The following CCDC77 variants were observed in gnomAD, a reference collection of about 807,000 sequenced individuals.
The protein encoded by CCDC77 is coiled-coil domain-containing protein 77.
In CCDC77, 56 loss-of-function variants were observed where a neutral mutation model predicts 66.8. The ratio of observed to expected loss-of-function variants is 0.84; its 90% CI spans 0.68 to 1.05. The LOEUF is 1.05. Ranked by LOEUF, CCDC77 falls within the 50% of genes least tolerant of loss-of-function variation. The pLI is 0.00. For synonymous variants in CCDC77, 196 were observed against 195.2 expected, an observed-to-expected ratio of 1.00 and a Z score of -0.03; for missense variants, 570 against 576.8, an observed-to-expected ratio of 0.99 and a Z score of 0.12.
chr12:416,344 G>GGT lies in CCDC77; in HGVS notation c.271-2117_271-2116dup, dbSNP rs1174833426. Among the ~76,000 whole-genome samples the GGT allele has an allele frequency of 1.3e-3, 47 of 37,090 alleles. No individual in the cohort carries two copies. In the East Asian group the frequency reaches 0.013, roughly 10 times the overall value. The allele number at this position is 37,090 out of a possible 152,430, so 24.3% of individuals were successfully genotyped here. On this transcript the variant is annotated intron_variant, in intron 4 of 12. Transcript: ENST00000239830. ...GTGTGTGAGTCTGTGGGTGTGTGGG[G>GGT]GTGTGTGTGTGTGTGTGTGTGTGTG... is the stretch of plus-strand genomic sequence containing the variant.
chr12:423,737 T>C (rs1565572419), intron 5 of CCDC77, among the ~76,000 whole-genome samples: 1 of 151,970 alleles, frequency 6.6e-6, no homozygotes, highest in Non-Finnish European at 1.5e-5. Context: ...GCTCAAGCGA[T>C]TTGCCCACCT....
intron 5 of CCDC77, among the ~76,000 whole-genome samples, chr12:428,531 A>G (rs1945580545): frequency 6.6e-6 from 1 of 151,372 alleles, no homozygotes; most frequent in Admixed American, 6.6e-5. Context: ...AAAAAAAAAA[A>G]AAAAAGAATT....
Position 408,873 on chromosome 12 carries a change from A to T in CCDC77, c.-16-495A>T, listed in dbSNP as rs899386214. On this transcript the variant is annotated intron_variant, in intron 2 of 12. Coordinates refer to ENST00000239830, the MANE Select transcript of CCDC77 (RefSeq NM_032358.4). ...ATGAGGAGTACCTTTTGAAAATTCA[A>T]AAGGCATGAATTTCAGGATTTGGAG... Among the ~76,000 whole-genome samples the T allele has an allele frequency of 5.6e-4, 85 of 152,160 alleles. 3 individuals are homozygous for T. Among genetic ancestry groups the T allele is most frequent in the Non-Finnish European group, 2.9e-5 (2 of 68,032 alleles).
Position 442,635 on chromosome 12 carries a change from A to G in CCDC77, c.*715A>G, listed in dbSNP as rs1202353566. On this transcript the variant is annotated 3_prime_UTR_variant, in exon 13 of 13. Transcript: ENST00000239830. Reference sequence around the variant, plus strand: ...TTAACTATTTTCAATAAAATATTTCACTCAAAAGATTTTCTTTGAGTTTTC... The same window carrying G: ...TTAACTATTTTCAATAAAATATTTCGCTCAAAAGATTTTCTTTGAGTTTTC... 6.6e-6 allele frequency: 1 copy of G among 152,194 alleles called. No homozygotes were observed. Among genetic ancestry groups the G allele is most frequent in the Non-Finnish European group, 1.5e-5 (1 of 68,034 alleles). 9.4% of individuals were successfully genotyped at this position (152,194 alleles called of 1,614,324 possible). A position where few individuals can be genotyped will look rare whatever the true frequency, so the allele number is the denominator to read the frequency against.
intron 1 of CCDC77, chr12:389,620 G>T: frequency 4.0e-6 from 1 of 252,834 alleles, no homozygotes; most frequent in South Asian, 5.2e-5. Context: ...CTTCCGGCGC[G>T]GAGGAATGTG....
rs11550736 is a variant in CCDC77 at position 442,059 on chromosome 12, A to T, written c.*139A>T. 1.1e-6 allele frequency: 1 copy of T among 874,470 alleles called. No individual in the cohort carries two copies. Among genetic ancestry groups the T allele is most frequent in the Non-Finnish European group, 1.8e-6 (1 of 563,608 alleles). 54.2% of individuals were successfully genotyped at this position (874,470 alleles called of 1,614,324 possible). A position where few individuals can be genotyped will look rare whatever the true frequency, so the allele number is the denominator to read the frequency against. ...CATTATTGTAAAGACAGCTTGAAGA[A>T]TCGGGGACCACTAGGAAAGCTTTTC... On this transcript the variant is annotated 3_prime_UTR_variant, in exon 13 of 13. Transcript: ENST00000239830.
intron 9 of CCDC77, among the ~76,000 whole-genome samples, chr12:437,368 T>C (rs1052569428): frequency 2.0e-5 from 3 of 152,106 alleles, no homozygotes; most frequent in Admixed American, 2.0e-4. Context: ...AAATAATAAA[T>C]AAGGTATATG....
chr12:402,793 A>T (rs1308337856), intron 1 of CCDC77, among the ~76,000 whole-genome samples: 1 of 152,222 alleles, frequency 6.6e-6, no homozygotes, highest in Non-Finnish European at 1.5e-5. Flanking sequence ...GTCATTGTGG[A>T]GATAAAATAT....
At chr12:415,808 T>TTTA (rs112303220) in intron 4 of CCDC77, among the ~76,000 whole-genome samples, 1 of 149,830 alleles carries the variant, frequency 6.7e-6, no homozygotes, top group Non-Finnish European at 1.5e-5. Flanking sequence ...AATTTTTTAT[T>TTTA]TTTTATTTTA....
At chr12:404,813 C>A (rs1007944428) in intron 1 of CCDC77, among the ~76,000 whole-genome samples, 3 of 151,462 alleles carry the variant, frequency 2.0e-5, no homozygotes, top group Admixed American at 1.3e-4. Flanking sequence ...ACCTCCGCCT[C>A]CCAGGTTCAA....
chr12:417,808 A>G (rs773433649), intron 4 of CCDC77, among the ~76,000 whole-genome samples: 3 of 152,100 alleles, frequency 2.0e-5, no homozygotes, highest in Non-Finnish European at 4.4e-5. Flanking sequence ...AGGCTGAGAC[A>G]GAAGAATCAC....
At chr12:405,351 G>A (rs1944972365) in intron 1 of CCDC77, among the ~76,000 whole-genome samples, 160 bp from the exon 2 acceptor site, 1 of 152,190 alleles carries the variant, frequency 6.6e-6, no homozygotes, top group Non-Finnish European at 1.5e-5. Flanking sequence ...AGAATGGACT[G>A]TGCTGATAGG....
At chr12:438,280 T>C in intron 9 of CCDC77, 55 bp from the exon 10 acceptor site, 4 of 1,194,950 alleles carry the variant, frequency 3.3e-6, no homozygotes, top group Non-Finnish European at 4.8e-6. Context: ...TAATCCTTGC[T>C]TTCAGGTGTG....
chr12:412,499 A>G (rs1327414607), intron 4 of CCDC77, among the ~76,000 whole-genome samples: 3 of 152,180 alleles, frequency 2.0e-5, no homozygotes, highest in Non-Finnish European at 2.9e-5. Flanking sequence ...TTTGGCCTGG[A>G]TGATTCTTTG....
At chr12:440,526 CTTCTT>C (rs1945838518) in intron 10 of CCDC77, 86 bp from the exon 11 acceptor site, 2 of 1,463,846 alleles carry the variant, frequency 1.4e-6, no homozygotes, top group Non-Finnish European at 1.9e-6. Context: ...CTGGAAATCC[CTTCTT>C]TTCTTTCTTT....
At chr12:391,584 A>AT (rs1223945342) in intron 1 of CCDC77, among the ~76,000 whole-genome samples, 1 of 152,236 alleles carries the variant, frequency 6.6e-6, no homozygotes, top group Non-Finnish European at 1.5e-5. Context: ...TTTATTAAAC[A>AT]TTCAATTAAA....
chr12:399,429 C>T (rs1225973409), upstream of CCDC77, among the ~76,000 whole-genome samples: 1 of 152,204 alleles, frequency 6.6e-6, no homozygotes, highest in Non-Finnish European at 1.5e-5. Flanking sequence ...CTCAGCCTCC[C>T]AAAGTGCTGG....
At chr12:440,106 G>C (rs952352669) in intron 10 of CCDC77, among the ~76,000 whole-genome samples, 2 of 152,312 alleles carry the variant, frequency 1.3e-5, no homozygotes, top group East Asian at 3.9e-4. Context: ...GCCAGCATTG[G>C]CAGCAGCCAG....
intron 2 of CCDC77, among the ~76,000 whole-genome samples, chr12:406,141 C>T (rs1014812405): frequency 1.3e-5 from 2 of 152,086 alleles, no homozygotes; most frequent in African/African-American, 4.8e-5. Context: ...AACTCCTGGA[C>T]TCAAGCAGTC....
Sources: allele counts gnomAD v4.1 joint callset (sites outside exome capture counted in the v4.1 genomes callset), GRCh38; gene constraint gnomAD v4.1.1; transcripts MANE v1.5; gene names NCBI Gene and HGNC (gene_info 2026-07-23, HGNC 2026-07-21).